PCDHA8: variants seen among roughly 807,000 people sequenced by gnomAD.
PCDHA8 encodes the protein protocadherin alpha-8.
Under a neutral mutation model 61.8 loss-of-function variants are expected in PCDHA8, and 53 were observed. The observed-to-expected ratio is 0.86, with a 90% CI of 0.69 to 1.08. PCDHA8 has a LOEUF of 1.08. PCDHA8 is among the 50% of genes least tolerant of loss of function. The probability of loss-of-function intolerance (pLI) is 0.00; values close to 1 mark genes in which losing one functional copy is unlikely to be tolerated. For synonymous variants in PCDHA8, 618 were observed against 556.6 expected (o/e 1.11, Z -1.55); for missense variants, 1,293 against 1,245.0 (o/e 1.04, Z -0.58).
At chr5:140,951,589 C>A (rs2094605772) in intron 1 of PCDHA8, among the ~76,000 whole-genome samples, 1 of 152,088 alleles carries the variant, frequency 6.6e-6, no homozygotes, top group Admixed American at 6.5e-5. Flanking sequence ...TTCACGAGAT[C>A]TCTCTCACTG....
chr5:140,972,260 C>T (rs155805), intron 1 of PCDHA8, among the ~76,000 whole-genome samples: 8,116 of 151,624 alleles, frequency 0.054, 294 homozygotes, highest in Middle Eastern at 0.15. Flanking sequence ...ACACATCAGC[C>T]TCCTGAGTAG....
chr5:140,852,214 AT>A lies in PCDHA8; in HGVS notation c.2394+8503del, dbSNP rs1374970785. 2.5e-5 allele frequency: 16 copies of A among 644,870 alleles called. No individual in the cohort carries two copies. The South Asian group carries it at 1.1e-3, about 44-fold the overall frequency. The allele number at this position is 644,870 out of a possible 1,614,324, so 39.9% of individuals were successfully genotyped here. A position where few individuals can be genotyped will look rare whatever the true frequency, so the allele number is the denominator to read the frequency against. On this transcript the variant is annotated intron_variant, in intron 1 of 3. Transcript: ENST00000531613. ...CAGTAACGTTTATTTAAAACAAAAT[AT>A]TTTAATTTTTAAATTTTCCCTTAAA... is the stretch of plus-strand genomic sequence containing the variant.
Position 140,846,956 on chromosome 5 carries a change from G to A in PCDHA8, c.2394+3241G>A, listed in dbSNP as rs144830979. On this transcript the variant is annotated intron_variant, in intron 1 of 3. Transcript: ENST00000531613. ...AGAAATACTTGAAGGGGCATGGTGT[G>A]TTTCAGTGGTTTTAAAATAAGTAAG... 2.7e-5 allele frequency among the ~76,000 whole-genome samples: 4 copies of A among 149,688 alleles called. No individual in the cohort carries two copies. In the East Asian group the frequency reaches 7.8e-4, roughly 29 times the overall value.
chr5:140,968,702 A>G, intron 1 of PCDHA8: 3 of 1,614,178 alleles, frequency 1.9e-6, no homozygotes, highest in Non-Finnish European at 2.5e-6. Flanking sequence ...TAGGACTACC[A>G]GGAAGATGGG....
intron 1 of PCDHA8, chr5:140,871,457 GGGAAAGACA>G (rs782304525): frequency 6.2e-7 from 1 of 1,605,688 alleles, no homozygotes; most frequent in Non-Finnish European, 8.5e-7. Flanking sequence ...GAGGAGGAAG[GGGAAAGACA>G]GGAGCCAGGG....
chr5:140,870,391 G>C, intron 1 of PCDHA8: 1 of 1,614,230 alleles, frequency 6.2e-7, no homozygotes, highest in Non-Finnish European at 8.5e-7. Flanking sequence ...GCGGGATGGG[G>C]GTTCGCCTTC....
intron 1 of PCDHA8, chr5:140,866,000 TAA>T (rs1485805064): frequency 6.6e-6 from 1 of 152,190 alleles, no homozygotes; most frequent in Non-Finnish European, 1.5e-5. Flanking sequence ...TTTTTTATGT[TAA>T]GTGATTTTTT....
chr5:140,966,363 G>A (rs1476634162), intron 1 of PCDHA8: 3 of 402,216 alleles, frequency 7.5e-6, no homozygotes, highest in Admixed American at 4.4e-5. Flanking sequence ...GGGCTGGAGA[G>A]GCTGAGCAGT....
In PCDHA8 at chr5:140,928,550, C is replaced by T. The variant is rs781857799; in HGVS notation, c.2395-50399C>T. The T allele has an allele frequency of 3.7e-6, 6 of 1,614,160 alleles. No individual in the cohort carries two copies. Among genetic ancestry groups the T allele is most frequent in the South Asian group, 3.3e-5 (3 of 91,084 alleles). On this transcript the variant is annotated intron_variant, in intron 1 of 3. Transcript: ENST00000531613. ...GTGGTAGATAGGAATGACAATTATC[C>T]GGTTATCTTGTTTCCCTTGCCCAGA...
chr5:140,935,257 C>A (rs1200153130), intron 1 of PCDHA8, among the ~76,000 whole-genome samples: 10 of 152,150 alleles, frequency 6.6e-5, no homozygotes, highest in South Asian at 4.1e-4. Context: ...AAATACATCA[C>A]ATGTTTATAC....
At chr5:140,989,153 A>C (rs1409258920) in intron 3 of PCDHA8, among the ~76,000 whole-genome samples, 2 of 152,186 alleles carry the variant, frequency 1.3e-5, no homozygotes, top group Non-Finnish European at 2.9e-5. Flanking sequence ...CTTTTGTTTA[A>C]GAGTGTTGCA....
At chr5:140,877,930 C>T (rs2057400413) in intron 1 of PCDHA8, 1 of 1,411,700 alleles carries the variant, frequency 7.1e-7, no homozygotes, top group East Asian at 2.5e-5. Flanking sequence ...CTTTATGATT[C>T]TATCCTTTAA....
chr5:140,900,309 C>T (rs1183008231), intron 1 of PCDHA8, among the ~76,000 whole-genome samples: 1 of 151,686 alleles, frequency 6.6e-6, no homozygotes, highest in Non-Finnish European at 1.5e-5. Context: ...GACAGTCTCA[C>T]TTTTGTCGCC....
chr5:141,000,051 C>T (rs1483967510), intron 3 of PCDHA8, among the ~76,000 whole-genome samples: 3 of 152,100 alleles, frequency 2.0e-5, no homozygotes, highest in African/African-American at 7.2e-5. Flanking sequence ...ACACCACTCT[C>T]CCAGCTGCTC....
chr5:140,884,229 A>T (rs2060058344), intron 1 of PCDHA8: 2 of 1,613,258 alleles, frequency 1.2e-6, no homozygotes. Flanking sequence ...GTGAAGGACC[A>T]CGGTGAGCCC....
chr5:140,973,513 A>G (rs2096591492), intron 1 of PCDHA8, among the ~76,000 whole-genome samples: 1 of 151,864 alleles, frequency 6.6e-6, no homozygotes, highest in Non-Finnish European at 1.5e-5. Context: ...GAAAAAGTTT[A>G]TTTTCTTTGG....
In PCDHA8 at chr5:140,846,371, T is replaced by C. The variant is rs1395202174; in HGVS notation, c.2394+2656T>C. On this transcript the variant is annotated intron_variant, in intron 1 of 3. Transcript: ENST00000531613. ...CTCTTTTTTCTTTTCTTTTCTTTCTTTCTTTTTTTTTTTTTTTTTTTGAGA... is the reference window on the plus strand; with the variant it reads ...CTCTTTTTTCTTTTCTTTTCTTTCTCTCTTTTTTTTTTTTTTTTTTTGAGA... Among the ~76,000 whole-genome samples the C allele has an allele frequency of 3.6e-5, 4 of 111,996 alleles. 2 individuals carry two copies. Among genetic ancestry groups the C allele is most frequent in the Non-Finnish European group, 7.2e-5 (4 of 55,194 alleles). 73.5% of individuals were successfully genotyped at this position (111,996 alleles called of 152,430 possible).
chr5:140,915,252 GTTA>G (rs1291041483), intron 1 of PCDHA8, among the ~76,000 whole-genome samples: 2 of 152,012 alleles, frequency 1.3e-5, no homozygotes, highest in African/African-American at 4.8e-5. Flanking sequence ...TGGCCAGGTT[GTTA>G]TTATTTTTGA....
At chr5:140,904,435 A>G (rs542932460) in intron 1 of PCDHA8, among the ~76,000 whole-genome samples, 4 of 151,230 alleles carry the variant, frequency 2.6e-5, no homozygotes, top group African/African-American at 9.7e-5. Flanking sequence ...ATATATATGT[A>G]TATTACAATT....
Sources: gnomAD v4.1 joint callset for allele counts (sites outside exome capture counted in the v4.1 genomes callset) on GRCh38, gnomAD v4.1.1 for gene constraint, MANE v1.5 for transcripts, NCBI Gene and HGNC (gene_info 2026-07-23, HGNC 2026-07-21) for gene names.